MYD88: variants seen among roughly 807,000 people sequenced by gnomAD.
MYD88 encodes MYD88 innate immune signal transduction adaptor.
MYD88 carries 15 observed loss-of-function variants against 31.1 expected under a neutral mutation model. The ratio of observed to expected loss-of-function variants is 0.48; its 90% confidence interval spans 0.32 to 0.74. The LOEUF is 0.74. Among genes scored for constraint, MYD88 ranks in the 30% least tolerant of loss-of-function variants. MYD88 has a pLI of 0.03. For synonymous variants in MYD88, 157 were observed against 158.8 expected (o/e 0.99, Z 0.08); for missense variants, 308 against 387.4 (o/e 0.79, Z 1.72).
chr3:38,142,104 T>C lies in MYD88; in HGVS notation c.*818T>C, dbSNP rs530807392. ...CCTGGCCTCTGGCATATTCATCAAG[T>C]ATGAGTTCTGGGGATGAGTCACTGT... On this transcript the variant is annotated 3_prime_UTR_variant, in exon 5 of 5. Transcript: ENST00000650905. The C allele has an allele frequency of 4.3e-6, 1 of 234,154 alleles. No individual in the cohort carries two copies. The highest frequency in any genetic ancestry group is 5.6e-5 in the Admixed American group (1 of 17,916). The allele number at this position is 234,154 out of a possible 1,614,324, so 14.5% of individuals were successfully genotyped here.
rs1439142562 is a variant in MYD88, at chr3:38,140,860, C to G, written c.736+12C>G. On this transcript the variant is annotated intron_variant, in intron 4 of 4. Coordinates refer to ENST00000650905, the MANE Select transcript of MYD88 (RefSeq NM_002468.5). The stretch of plus-strand genomic sequence containing the variant: ...CAGCCTCTCTCCAGGTAAGCTCAAC[C>G]CTGCTCTGGCAAGAGAATGAGGGAA... 2 of 1,610,712 alleles carry G rather than the reference C, an allele frequency of 1.2e-6. No homozygotes were observed. Among genetic ancestry groups the G allele is most frequent in the Non-Finnish European group, 1.7e-6 (2 of 1,176,890 alleles).
rs1175968189 is a variant in MYD88, at chr3:38,139,467, A to G, written c.329-397A>G. Reference sequence around the variant, plus strand: ...GCGTTGGATACAGCCGCCCACAGACAGGCACACCTTGCTGAGTTGGAATCA... The same window carrying G: ...GCGTTGGATACAGCCGCCCACAGACGGGCACACCTTGCTGAGTTGGAATCA... On this transcript the variant is annotated intron_variant, in intron 1 of 4. Coordinates refer to ENST00000650905, the MANE Select transcript of MYD88 (RefSeq NM_002468.5). This position sits in a 1 kb window ranked among gnomAD's most constrained non-coding sequence, Gnocchi z 4.7. The G allele has an allele frequency of 2.5e-6, 1 of 399,482 alleles. No individual in the cohort carries two copies. The highest frequency in any genetic ancestry group is 4.7e-6 in the Non-Finnish European group (1 of 212,262). The allele number at this position is 399,482 out of a possible 1,614,324, so 24.7% of individuals were successfully genotyped here.
In MYD88 at chr3:38,140,653, T is replaced by C. The variant is rs1701056635; in HGVS notation, c.644+85T>C. 4.4e-6 allele frequency: 7 copies of C among 1,601,994 alleles called. No homozygotes were observed. The South Asian group carries it at 7.7e-5, about 18-fold the overall frequency. On this transcript the variant is annotated intron_variant, in intron 3 of 4. Transcript: ENST00000650905. ...GATACTGGGCATCTCCTCCTAGCTG[T>C]GCACTGTCCAGCCTGGGCACAGTGG...
chr3:38,140,043 T>A, intron 2 of MYD88, 45 bp downstream of exon 2: 1 of 1,608,060 alleles, frequency 6.2e-7, no homozygotes, highest in Non-Finnish European at 8.5e-7. Flanking sequence ...GAATAGGACA[T>A]TGTGGTGTTA....
At position 38,139,696 on chromosome 3, in the gene MYD88, TG is replaced by T; in HGVS notation, c.329-165del. On this transcript the variant is annotated intron_variant, in intron 1 of 4. Coordinates refer to ENST00000650905, the MANE Select transcript of MYD88 (RefSeq NM_002468.5). The surrounding 1 kb of genome is among the most constrained non-coding windows in gnomAD (Gnocchi z 4.7). ...ATCCCTTTGGGTCAGTTAGAGCCAG[TG>T]GGAGCTCAACTTCTCAGAGCCGTTG... 1.2e-6 allele frequency: 1 copy of T among 811,936 alleles called. No individual in the cohort carries two copies. The allele number at this position is 811,936 out of a possible 1,614,324, so 50.3% of individuals were successfully genotyped here. A position where few individuals can be genotyped will look rare whatever the true frequency, so the allele number is the denominator to read the frequency against.
In MYD88 at chr3:38,139,882, A is replaced by C. The variant is rs369951621; in HGVS notation, c.347A>C (p.Tyr116Ser). The C allele has an allele frequency of 1.9e-6, 3 of 1,613,258 alleles. No homozygotes were observed. The highest frequency in any genetic ancestry group is 1.3e-5 in the African/African-American group (1 of 75,030). Reference protein sequence around the residue: ...GPSIEEDCQKYILKQQQEEAE... With the variant: ...GPSIEEDCQKSILKQQQEEAE... ...CCCACAGAGGAGGATTGCCAAAAGT[A>C]TATCTTGAAGCAGCAGCAGGAGGAG... Residue 116 changes from tyrosine to serine, a missense_variant, in exon 2 of 5, where the codon TAT becomes TCT. Coordinates refer to ENST00000650905, the MANE Select transcript of MYD88 (RefSeq NM_002468.5). This position sits in a 1 kb window ranked among gnomAD's most constrained non-coding sequence, Gnocchi z 4.7.
rs1300885784 is a variant in MYD88, at chr3:38,138,716, C to T, written c.16C>T (p.Pro6Ser). The change falls in exon 1 of 5, where the codon CCC becomes TCC. Residue 6 changes from proline (P) to serine (S), a missense_variant. Transcript: ENST00000650905. This position sits in a 1 kb window ranked among gnomAD's most constrained non-coding sequence, Gnocchi z 6.4. Reference sequence around the variant, plus strand: ...ACCGCCCGCCATGGCTGCAGGAGGTCCCGGCGCGGGGTCTGCGGCCCCGGT... The same window carrying T: ...ACCGCCCGCCATGGCTGCAGGAGGTTCCGGCGCGGGGTCTGCGGCCCCGGT... Reference protein sequence around the residue: MAAGGPGAGSAAPVSS... With the variant: MAAGGSGAGSAAPVSS... 1 of 1,604,676 alleles carries T rather than the reference C, an allele frequency of 6.2e-7. No individual in the cohort carries two copies. Among genetic ancestry groups the T allele is most frequent in the Non-Finnish European group, 8.5e-7 (1 of 1,174,286 alleles).
At position 38,139,155 on chromosome 3, in the gene MYD88, G is replaced by C. The variant is rs1397884136; in HGVS notation, c.328+127G>C. ...TCGGGGGCCCGAAGAAGCCTGCAGAGGGAGAACCATGCGGGTCCCGTTCCT... is the reference window on the plus strand; with the variant it reads ...TCGGGGGCCCGAAGAAGCCTGCAGACGGAGAACCATGCGGGTCCCGTTCCT... On this transcript the variant is annotated intron_variant, in intron 1 of 4. Transcript: ENST00000650905. The surrounding 1 kb of genome is among the most constrained non-coding windows in gnomAD (Gnocchi z 4.7). 7.8e-7 allele frequency: 1 copy of C among 1,285,584 alleles called. No homozygotes were observed. Among genetic ancestry groups the C allele is most frequent in the African/African-American group, 1.5e-5 (1 of 66,766 alleles). The allele number at this position is 1,285,584 out of a possible 1,614,324, so 79.6% of individuals were successfully genotyped here. A position where few individuals can be genotyped will look rare whatever the true frequency, so the allele number is the denominator to read the frequency against.
At position 38,139,957 on chromosome 3, in the gene MYD88, C is replaced by G. The variant is rs1701033534; in HGVS notation, c.422C>G (p.Thr141Arg). ...VAAVDSSVPRTAELAGITTLD... is the reference protein window; with the variant it reads ...VAAVDSSVPRRAELAGITTLD... ...GCTGTAGACAGCAGTGTCCCACGGA[C>G]AGCAGAGCTGGCGGGCATCACCACA... The change falls in exon 2 of 5, where the codon ACA becomes AGA. Residue 141 changes from threonine to arginine, a missense_variant. By Grantham distance (71) the Thr-to-Arg change is moderately conservative. Coordinates refer to ENST00000650905, the MANE Select transcript of MYD88 (RefSeq NM_002468.5). This position sits in a 1 kb window ranked among gnomAD's most constrained non-coding sequence, Gnocchi z 4.7. The G allele has an allele frequency of 1.9e-6, 3 of 1,613,742 alleles. No homozygotes were observed. The highest frequency in any genetic ancestry group is 2.2e-5 in the South Asian group (2 of 91,044).
At position 38,138,961 on chromosome 3, in the gene MYD88, C is replaced by T. The variant is rs373382593; in HGVS notation, c.261C>T (p.Gly87=). The T allele has an allele frequency of 2.6e-4, 412 of 1,609,670 alleles. 9 individuals carry two copies. The highest frequency in any genetic ancestry group is 2.2e-3 in the South Asian group (198 of 91,082). The change falls in exon 1 of 5, where the codon GGC becomes GGT. Residue 87 remains glycine, a synonymous_variant. Transcript: ENST00000650905. This position sits in a 1 kb window ranked among gnomAD's most constrained non-coding sequence, Gnocchi z 6.4. ...AWQGRPGASV[G]RLLELLTKLG... ...AGGGACGCCCTGGCGCCTCTGTAGG[C>T]CGACTGCTCGAGCTGCTTACCAAGC...
chr3:38,142,513 C>G lies in MYD88; in HGVS notation c.*1227C>G, dbSNP rs1029648843. ...AAACTCTGGAAAGGACCCAATGTAC[C>G]AGTATTTATACCTCTAATGAAGCAC... On this transcript the variant is annotated 3_prime_UTR_variant, in exon 5 of 5. Transcript: ENST00000650905. 4.3e-6 allele frequency: 1 copy of G among 233,170 alleles called. No individual in the cohort carries two copies. The highest frequency in any genetic ancestry group is 2.2e-5 in the African/African-American group (1 of 45,332). 14.4% of individuals were successfully genotyped at this position (233,170 alleles called of 1,614,324 possible).
Position 38,139,763 on chromosome 3 carries a change from A to G in MYD88, c.329-101A>G. 1 of 1,520,552 alleles carries G rather than the reference A, an allele frequency of 6.6e-7. No homozygotes were observed. Among genetic ancestry groups the G allele is most frequent in the South Asian group, 1.2e-5 (1 of 86,750 alleles). 94.2% of individuals were successfully genotyped at this position (1,520,552 alleles called of 1,614,324 possible). ...CAGTGAACTGGGGAAGCCCTCTAGA[A>G]CAACCCAGCCAGAGGAGGTGGGACA... On this transcript the variant is annotated intron_variant, in intron 1 of 4. Coordinates refer to ENST00000650905, the MANE Select transcript of MYD88 (RefSeq NM_002468.5). The surrounding 1 kb of genome is among the most constrained non-coding windows in gnomAD (Gnocchi z 4.7).
In MYD88 at chr3:38,138,661, A is replaced by T. The variant is rs1193857710; in HGVS notation, c.-40A>T. On this transcript the variant is annotated 5_prime_UTR_variant, in exon 1 of 5. Coordinates refer to ENST00000650905, the MANE Select transcript of MYD88 (RefSeq NM_002468.5). This position sits in a 1 kb window ranked among gnomAD's most constrained non-coding sequence, Gnocchi z 6.4. ...GGAGAAAGAGGAAGCGCTGGCAGAC[A>T]ATGCGACCCGACCGCGCTGAGGCTC... 2.6e-6 allele frequency: 4 copies of T among 1,546,334 alleles called. No homozygotes were observed. In the Admixed American group the frequency reaches 5.6e-5, roughly 22 times the overall value.
Position 38,142,758 on chromosome 3 carries a change from C to A in MYD88, c.*1472C>A, listed in dbSNP as rs530065961. The A allele has an allele frequency of 8.6e-5, 20 of 233,264 alleles. No individual in the cohort carries two copies. In the East Asian group the frequency reaches 1.1e-3, roughly 13 times the overall value. 14.4% of individuals were successfully genotyped at this position (233,264 alleles called of 1,614,324 possible). The stretch of plus-strand genomic sequence containing the variant: ...TGCTCCACTTTCAGCCAGGCTGGAG[C>A]AAGGTACCTTTTCTTAGGATCTTGG... On this transcript the variant is annotated 3_prime_UTR_variant, in exon 5 of 5. Coordinates refer to ENST00000650905, the MANE Select transcript of MYD88 (RefSeq NM_002468.5).
In MYD88 at chr3:38,138,799, GTC is replaced by G. The variant is rs776336832; in HGVS notation, c.103_104del (p.Leu35ValfsTer22). 5.6e-6 allele frequency: 9 copies of G among 1,613,600 alleles called. No homozygotes were observed. The highest frequency in any genetic ancestry group is 7.6e-6 in the Non-Finnish European group (9 of 1,180,010). ...ALNMRVRRRL[S>X]LFLNVRTQVA... Reference sequence around the variant, plus strand: ...TCAACATGCGAGTGCGGCGCCGCCTGTCTCTGTTCTTGAACGTGCGGACACAG... The same window carrying G: ...TCAACATGCGAGTGCGGCGCCGCCTGTCTGTTCTTGAACGTGCGGACACAG... On this transcript the variant is annotated frameshift_variant, in exon 1 of 5. Coordinates refer to ENST00000650905, the MANE Select transcript of MYD88 (RefSeq NM_002468.5). LOFTEE classifies it high-confidence loss of function. This position sits in a 1 kb window ranked among gnomAD's most constrained non-coding sequence, Gnocchi z 6.4.
chr3:38,139,188 A>C lies in MYD88; in HGVS notation c.328+160A>C. ...CATGCGGGTCCCGTTCCTTCTTAATAACCGGTCGCGGTTATTAAGAAGGAC... is the reference window on the plus strand; with the variant it reads ...CATGCGGGTCCCGTTCCTTCTTAATCACCGGTCGCGGTTATTAAGAAGGAC... On this transcript the variant is annotated intron_variant, in intron 1 of 4. Transcript: ENST00000650905. The surrounding 1 kb of genome is among the most constrained non-coding windows in gnomAD (Gnocchi z 4.7). The C allele has an allele frequency of 9.8e-7, 1 of 1,018,772 alleles. No individual in the cohort carries two copies. The highest frequency in any genetic ancestry group is 1.4e-6 in the Non-Finnish European group (1 of 720,758). 63.1% of individuals were successfully genotyped at this position (1,018,772 alleles called of 1,614,324 possible).
rs554520522 is a variant in MYD88 at position 38,139,931 on chromosome 3, C to T, written c.396C>T (p.Ala132=). 2.0e-5 allele frequency: 33 copies of T among 1,613,526 alleles called. No individual in the cohort carries two copies. The East Asian group carries it at 3.8e-4, about 19-fold the overall frequency. Residue 132 remains alanine (A), a synonymous_variant, in exon 2 of 5, where the codon GCC becomes GCT. Coordinates refer to ENST00000650905, the MANE Select transcript of MYD88 (RefSeq NM_002468.5). The surrounding 1 kb of genome is among the most constrained non-coding windows in gnomAD (Gnocchi z 4.7). ...AGGCTGAGAAGCCTTTACAGGTGGC[C>T]GCTGTAGACAGCAGTGTCCCACGGA... ...QEEAEKPLQV[A]AVDSSVPRTA...
At position 38,141,334 on chromosome 3, in the gene MYD88, T is replaced by G; in HGVS notation, c.*48T>G. On this transcript the variant is annotated 3_prime_UTR_variant, in exon 5 of 5. Transcript: ENST00000650905. Reference sequence around the variant, plus strand: ...GTGTGTGTATCTGTCTGCCTGTCCATGTACTTCTGCCCTGCCTCCTCCTTT... The same window carrying G: ...GTGTGTGTATCTGTCTGCCTGTCCAGGTACTTCTGCCCTGCCTCCTCCTTT... 6.2e-7 allele frequency: 1 copy of G among 1,611,346 alleles called. No homozygotes were observed. The highest frequency in any genetic ancestry group is 8.5e-7 in the Non-Finnish European group (1 of 1,177,450).
At chr3:38,140,619 T>C (rs1701055812) in intron 3 of MYD88, 51 bp downstream of exon 3, 6 of 1,611,632 alleles carry the variant, frequency 3.7e-6, no homozygotes, top group Non-Finnish European at 4.2e-6. Context: ...AGCCCTGCCC[T>C]GGGGTCCAGA....
Sources: gnomAD v4.1 joint callset for allele counts on GRCh38, gnomAD v4.1.1 for gene constraint, Gnocchi (gnomAD v3.1) non-coding constraint, MANE v1.5 for transcripts, NCBI Gene and HGNC (gene_info 2026-07-23, HGNC 2026-07-21) for gene names.